Variants in LMOD1 observed in about 807,000 individuals in gnomAD.
LMOD1 encodes leiomodin-1.
Under a neutral mutation model 36.5 loss-of-function variants are expected in LMOD1, and 8 were observed. The observed-to-expected ratio is 0.22, with a 90% CI of 0.13 to 0.40. LMOD1 has a LOEUF of 0.40. Ranked by LOEUF, LMOD1 falls within the 10% of genes least tolerant of loss-of-function variation. The pLI, the probability that LMOD1 is intolerant of heterozygous loss-of-function variation, is 1.00. For synonymous variants in LMOD1, 284 were observed against 288.7 expected, an observed-to-expected ratio of 0.98 and a Z score of 0.17; for missense variants, 630 against 751.1, an observed-to-expected ratio of 0.84 and a Z score of 1.88.
chr1:201,915,531 C>T (rs770905767), intron 1 of LMOD1, among the ~76,000 whole-genome samples: 4 of 152,054 alleles, frequency 2.6e-5, no homozygotes, highest in Non-Finnish European at 5.9e-5. Flanking sequence ...CTCCTCTAAA[C>T]ACCCAGTGAC....
chr1:201,940,825 C>T (rs928636016), intron 1 of LMOD1, among the ~76,000 whole-genome samples: 8 of 150,486 alleles, frequency 5.3e-5, no homozygotes, highest in African/African-American at 1.5e-4. Context: ...CTCGGCGCAC[C>T]GTAACCTCCG....
Position 201,900,532 on chromosome 1 carries a change from C to A in LMOD1, c.481G>T (p.Gly161Cys). Residue 161 changes from glycine (G) to cysteine (C), a missense_variant, in exon 2 of 3, where the codon GGC (glycine) becomes TGC (cysteine). By Grantham distance (159) the Gly-to-Cys change is radical (BLOSUM62 -3). Around this residue, in one of 3 missense-constraint regions of LMOD1, gnomAD observed 405 missense variants for 400.6 expected, o/e 1.01. Transcript: ENST00000367288. Reference protein sequence around the residue: ...EEKIIRGIDKGRVRAAVDKKE... With the variant: ...EEKIIRGIDKCRVRAAVDKKE... ...TTATCCACTGCAGCCCTGACCCGGC[C>A]CTTGTCAATGCCCCGGATGATCTTC... is the stretch of plus-strand genomic sequence containing the variant. The A allele has an allele frequency of 1.9e-6, 3 of 1,613,872 alleles. No individual in the cohort carries two copies. The highest frequency in any genetic ancestry group is 2.5e-6 in the Non-Finnish European group (3 of 1,179,880).
chr1:201,943,452 G>A (rs879521264), intron 1 of LMOD1, among the ~76,000 whole-genome samples: 4 of 152,182 alleles, frequency 2.6e-5, no homozygotes, highest in African/African-American at 4.8e-5. Flanking sequence ...GAAGGCCACC[G>A]TCAGTGAGGG....
intron 1 of LMOD1, among the ~76,000 whole-genome samples, chr1:201,939,326 G>A (rs540652535): frequency 6.6e-6 from 1 of 152,252 alleles, no homozygotes; most frequent in South Asian, 2.1e-4. Flanking sequence ...CCACTTGACA[G>A]GTGAAGTAAT....
At chr1:201,929,821 G>C (rs1383882197) in intron 1 of LMOD1, among the ~76,000 whole-genome samples, 1 of 152,192 alleles carries the variant, frequency 6.6e-6, no homozygotes, top group African/African-American at 2.4e-5. Context: ...TTTGGGAAAA[G>C]CACAGAAACA....
chr1:201,924,132 C>T (rs1487029778), intron 1 of LMOD1, among the ~76,000 whole-genome samples: 9 of 149,628 alleles, frequency 6.0e-5, no homozygotes, highest in Admixed American at 1.3e-4. Context: ...CTGGCTAACA[C>T]GGTGAAACCC....
intron 1 of LMOD1, among the ~76,000 whole-genome samples, chr1:201,917,619 C>T (rs1465336792): frequency 2.0e-5 from 3 of 146,440 alleles, no homozygotes; most frequent in African/African-American, 7.3e-5. Flanking sequence ...TTTGGAGAAA[C>T]CGGGAAATCT....
At chr1:201,920,372 T>C (rs1681684001) in intron 1 of LMOD1, among the ~76,000 whole-genome samples, 2 of 152,222 alleles carry the variant, frequency 1.3e-5, no homozygotes, top group Middle Eastern at 3.4e-3. Context: ...AATGACATAC[T>C]TTCCCAGGCC....
chr1:201,896,847 T>G lies in LMOD1; in HGVS notation c.*1525A>C, dbSNP rs1280843188. The stretch of plus-strand genomic sequence containing the variant: ...CCCCCAGGACTAGACTGCCCTCTGG[T>G]TTTGGTCAGACCTAGCACAGCGATC... On this transcript the variant is annotated 3_prime_UTR_variant, in exon 3 of 3. Coordinates refer to ENST00000367288, the MANE Select transcript of LMOD1 (RefSeq NM_012134.3). 6 of 400,420 alleles carry G rather than the reference T, an allele frequency of 1.5e-5. No individual in the cohort carries two copies. Among genetic ancestry groups the G allele is most frequent in the Non-Finnish European group, 3.0e-5 (6 of 197,606 alleles). The allele number at this position is 400,420 out of a possible 1,614,324, so 24.8% of individuals were successfully genotyped here.
In LMOD1 at chr1:201,925,857, A is replaced by G. The variant is rs1163490908; in HGVS notation, c.261+20223T>C. Among the ~76,000 whole-genome samples, 8 of 151,816 alleles carry G rather than the reference A, an allele frequency of 5.3e-5. 1 individual carries two copies. The highest frequency in any genetic ancestry group is 1.3e-4 in the Admixed American group (2 of 15,226). On this transcript the variant is annotated intron_variant, in intron 1 of 2. Coordinates refer to ENST00000367288, the MANE Select transcript of LMOD1 (RefSeq NM_012134.3). ...GTAGCTGGAACCACAGGCGTGCACC[A>G]CCATTCCTGGCTAATTTTTAAATTC...
At chr1:201,945,192 C>T (rs1362700229) in intron 1 of LMOD1, among the ~76,000 whole-genome samples, 1 of 152,032 alleles carries the variant, frequency 6.6e-6, no homozygotes, top group Non-Finnish European at 1.5e-5. Flanking sequence ...AGAAAACTCA[C>T]ATACCAATGC....
chr1:201,917,728 C>T (rs994199543), intron 1 of LMOD1, among the ~76,000 whole-genome samples: 9 of 140,876 alleles, frequency 6.4e-5, no homozygotes, highest in Non-Finnish European at 1.3e-4. Context: ...AAGGAAAACC[C>T]AAGCAAGTCT....
At chr1:201,909,969 G>A (rs566311034) in intron 1 of LMOD1, among the ~76,000 whole-genome samples, 1 of 152,304 alleles carries the variant, frequency 6.6e-6, no homozygotes, top group African/African-American at 2.4e-5. Flanking sequence ...GCCTGGTCCA[G>A]ACACAGCCCT....
chr1:201,936,187 A>G (rs966527197), intron 1 of LMOD1, among the ~76,000 whole-genome samples: 5 of 151,178 alleles, frequency 3.3e-5, no homozygotes, highest in African/African-American at 1.2e-4. Flanking sequence ...CCCCCAGTGC[A>G]TCAGCCAGTT....
At chr1:201,919,123 C>T (rs1318881503) in intron 1 of LMOD1, among the ~76,000 whole-genome samples, 3 of 152,048 alleles carry the variant, frequency 2.0e-5, no homozygotes, top group Admixed American at 2.0e-4. Context: ...CTCCTGGCCT[C>T]AAGCAATCCT....
At chr1:201,924,571 AGGAAGGAAGGAAGGAGGGAGGGAG>A (rs1421855452) in intron 1 of LMOD1, among the ~76,000 whole-genome samples, 2 of 126,786 alleles carry the variant, frequency 1.6e-5, no homozygotes, top group Non-Finnish European at 3.4e-5. Flanking sequence ...GAGGGAGGGA[AGGAAGGAAGGAAGGAGGGAGGGAG>A]GGAAGGAAGG....
rs1305733656 is a variant in LMOD1 at position 201,913,672 on chromosome 1, A to C, written c.262-12921T>G. ...CTCGCCTCCTTAATCCTCAATTCTC[A>C]TCTAGATCATTGCTAACCCTTTTGC... On this transcript the variant is annotated intron_variant, in intron 1 of 2. Transcript: ENST00000367288. Among the ~76,000 whole-genome samples, 5 of 152,122 alleles carry C rather than the reference A, an allele frequency of 3.3e-5. No individual in the cohort carries two copies. The East Asian group carries it at 9.6e-4, about 29-fold the overall frequency.
At chr1:201,916,596 T>C (rs1681616060) in intron 1 of LMOD1, among the ~76,000 whole-genome samples, 1 of 152,122 alleles carries the variant, frequency 6.6e-6, no homozygotes, top group African/African-American at 2.4e-5. Flanking sequence ...TTTAAATAAC[T>C]GAGTTTCACA....
At chr1:201,938,694 T>C (rs2102930992) in intron 1 of LMOD1, among the ~76,000 whole-genome samples, 1 of 152,280 alleles carries the variant, frequency 6.6e-6, no homozygotes, top group South Asian at 2.1e-4. Context: ...GGAAGGCCTA[T>C]TGAAGTAACA....
Sources: gnomAD v4.1 joint callset for allele counts (sites outside exome capture counted in the v4.1 genomes callset) on GRCh38, gnomAD v4.1.1 for gene constraint, gnomAD v4.1.1 regional missense constraint, MANE v1.5 for transcripts, NCBI Gene and HGNC (gene_info 2026-07-23, HGNC 2026-07-21) for gene names.